The following SAMD12 variants were observed in gnomAD, a reference collection of about 807,000 sequenced individuals.
SAMD12 encodes sterile alpha motif domain-containing protein 12.
SAMD12 carries 9 observed loss-of-function variants against 15.0 expected under a neutral mutation model. That is an observed-to-expected ratio of 0.60 (90% CI 0.36 to 1.05). The LOEUF (loss-of-function observed/expected upper bound fraction) is 1.05, where lower values mean the gene tolerates loss of function less well. Among genes scored for constraint, SAMD12 ranks in the 50% least tolerant of loss-of-function variants. The pLI is 0.01. For synonymous variants in SAMD12, 86 were observed against 90.1 expected (o/e 0.96, Z 0.25); for missense variants, 230 against 234.2 (o/e 0.98, Z 0.12).
chr8:118,353,601 G>A lies in SAMD12; in HGVS notation c.433+25959C>T, dbSNP rs187914018. Among the ~76,000 whole-genome samples, 511 of 152,284 alleles carry A rather than the reference G, an allele frequency of 3.4e-3. 4 individuals carry two copies. The highest frequency in any genetic ancestry group is 0.012 in the African/African-American group (491 of 41,562). ...GAACCATGAGAAATAGATTTCTGTG[G>A]TTTAAGTTACCCAGAAAATGGCAGA... On this transcript the variant is annotated intron_variant, in intron 4 of 4. Coordinates refer to the SAMD12 transcript ENST00000409003.
intron 3 of SAMD12, among the ~76,000 whole-genome samples, chr8:118,430,933 C>T (rs1822383238): frequency 6.6e-6 from 1 of 152,066 alleles, no homozygotes. Flanking sequence ...CATCTTTATA[C>T]TTTTCTATTC....
intron 2 of SAMD12, among the ~76,000 whole-genome samples, chr8:118,507,991 C>CTT (rs11384671): frequency 0.015 from 1,607 of 108,754 alleles, 60 homozygotes; most frequent in East Asian, 0.061. Flanking sequence ...GTATAATCTC[C>CTT]TTTTTTTTTT....
At position 118,586,391 on chromosome 8, in the gene SAMD12, G is replaced by A. The variant is rs142977602; in HGVS notation, c.14-5498C>T. On this transcript the variant is annotated intron_variant, in intron 1 of 3. Coordinates refer to ENST00000314727, the MANE Select transcript of SAMD12 (RefSeq NM_207506.3). ...AGTGTTTTGCTCTGTTGCCCAGGCC[G>A]GAGTGCAGTGGTGTGATCATGGCTC... Among the ~76,000 whole-genome samples, 630 of 147,746 alleles carry A rather than the reference G, an allele frequency of 4.3e-3. 3 individuals are homozygous for A. Among genetic ancestry groups the A allele is most frequent in the Non-Finnish European group, 7.3e-3 (494 of 67,358 alleles).
At chr8:118,615,272 C>A (rs1479491297) in intron 1 of SAMD12, among the ~76,000 whole-genome samples, 1 of 152,190 alleles carries the variant, frequency 6.6e-6, no homozygotes, top group Non-Finnish European at 1.5e-5. Context: ...GCTATCCCCA[C>A]CCAGCTCAGA....
chr8:118,443,780 T>A (rs1822824716), intron 2 of SAMD12, among the ~76,000 whole-genome samples: 1 of 152,126 alleles, frequency 6.6e-6, no homozygotes, highest in African/African-American at 2.4e-5. Flanking sequence ...GCATCCAGGG[T>A]CAATCTCAGT....
chr8:118,490,277 T>G (rs1700374094), intron 2 of SAMD12, among the ~76,000 whole-genome samples: 1 of 152,168 alleles, frequency 6.6e-6, no homozygotes, highest in African/African-American at 2.4e-5. Context: ...CCCATATTGT[T>G]GGCAATTAGT....
At chr8:118,315,953 T>C (rs1033519205) in intron 4 of SAMD12, among the ~76,000 whole-genome samples, 6 of 152,210 alleles carry the variant, frequency 3.9e-5, no homozygotes, top group African/African-American at 1.4e-4. Context: ...GTTACCATCT[T>C]CTTTTTGATG....
chr8:118,532,185 T>C (rs1825708185), intron 2 of SAMD12, among the ~76,000 whole-genome samples: 2 of 152,230 alleles, frequency 1.3e-5, no homozygotes, highest in Admixed American at 6.5e-5. Flanking sequence ...TCTGCATCTA[T>C]TGAAATAATC....
At chr8:118,571,054 C>A (rs1257969318) in intron 2 of SAMD12, among the ~76,000 whole-genome samples, 1 of 152,154 alleles carries the variant, frequency 6.6e-6, no homozygotes, top group Non-Finnish European at 1.5e-5. Context: ...ATTGCACAGT[C>A]TCAGGTATGT....
At chr8:118,176,537 A>G in the SAMD12 span, among the ~76,000 whole-genome samples, 2 of 152,198 alleles carry the variant, frequency 1.3e-5, no homozygotes, top group Non-Finnish European at 2.9e-5. Context: ...GCTGGAGGCC[A>G]TTATCCTAAG....
rs1304691422 is a variant in SAMD12, at chr8:118,257,551, C to CT, written c.434-59820_434-59819insA. On this transcript the variant is annotated intron_variant, in intron 4 of 4. Coordinates refer to the SAMD12 transcript ENST00000409003. ...TCCTCCTCCTTCCGTATGAAATGAC[C>CT]ATACGGAATCTGCAAGTACAAGTTA... is the stretch of plus-strand genomic sequence containing the variant. 3.3e-5 allele frequency among the ~76,000 whole-genome samples: 5 copies of CT among 152,150 alleles called. No homozygotes were observed. The South Asian group carries it at 8.3e-4, about 25-fold the overall frequency.
chr8:118,595,756 C>A (rs1827707016), intron 1 of SAMD12, among the ~76,000 whole-genome samples: 1 of 152,208 alleles, frequency 6.6e-6, no homozygotes, highest in African/African-American at 2.4e-5. Context: ...ATGTAATAAT[C>A]TCTCCATTTG....
intron 4 of SAMD12, among the ~76,000 whole-genome samples, chr8:118,226,939 T>C (rs1812202107): frequency 6.6e-6 from 1 of 152,124 alleles, no homozygotes; most frequent in South Asian, 2.1e-4. Flanking sequence ...TAGCATCAGA[T>C]GGGGTGGACA....
intron 2 of SAMD12, among the ~76,000 whole-genome samples, chr8:118,544,738 A>C (rs1463478016): frequency 1.3e-5 from 2 of 152,192 alleles, no homozygotes; most frequent in African/African-American, 2.4e-5. Context: ...AACTTGGAGA[A>C]AGTTCAGTCA....
rs907521912 is a variant in SAMD12 at position 118,231,528 on chromosome 8, T to C, written c.434-33796A>G. ...AGGAAATTGAGATTTTTACTGCCTG[T>C]CTGACCTTTGGTAGTTTGCAGTTCT... On this transcript the variant is annotated intron_variant, in intron 4 of 4. Coordinates refer to the SAMD12 transcript ENST00000409003. Among the ~76,000 whole-genome samples the C allele has an allele frequency of 1.3e-4, 20 of 152,224 alleles. 1 individual carries two copies. Among genetic ancestry groups the C allele is most frequent in the Non-Finnish European group, 2.9e-5 (2 of 68,030 alleles).
the SAMD12 span, among the ~76,000 whole-genome samples, chr8:118,169,648 T>C: frequency 2.0e-5 from 3 of 152,212 alleles, no homozygotes; most frequent in African/African-American, 7.2e-5. Context: ...GACCCCAATG[T>C]TTCTTTCAGG....
rs891524718 is a variant in SAMD12, at chr8:118,584,904, C to A, written c.14-4011G>T. On this transcript the variant is annotated intron_variant, in intron 1 of 3. Transcript: ENST00000314727. ...AACACAGAATTGTCATTTAATCCAA[C>A]AATTCAACTTGTAGGTATACACACA... 2.0e-5 allele frequency among the ~76,000 whole-genome samples: 3 copies of A among 147,918 alleles called. No homozygotes were observed. The East Asian group carries it at 6.1e-4, about 30-fold the overall frequency.
chr8:118,159,196 T>A, the SAMD12 span, among the ~76,000 whole-genome samples: 6 of 152,102 alleles, frequency 3.9e-5, no homozygotes, highest in African/African-American at 1.4e-4. Context: ...TATGACATCA[T>A]CTTTGGGGCT....
At position 118,522,388 on chromosome 8, in the gene SAMD12, T is replaced by C. The variant is rs140536518; in HGVS notation, c.192+58327A>G. 2.9e-3 allele frequency among the ~76,000 whole-genome samples: 446 copies of C among 152,232 alleles called. 4 individuals carry two copies. Among genetic ancestry groups the C allele is most frequent in the African/African-American group, 9.3e-3 (388 of 41,522 alleles). On this transcript the variant is annotated intron_variant, in intron 2 of 3. Coordinates refer to ENST00000314727, the MANE Select transcript of SAMD12 (RefSeq NM_207506.3). The stretch of plus-strand genomic sequence containing the variant: ...TTGGGAGACCTAAGCATATTGATGC[T>C]AGGTTTACAGCCACAGAAACTCATG...
Sources: allele counts gnomAD v4.1 joint callset (sites outside exome capture counted in the v4.1 genomes callset), GRCh38; gene constraint gnomAD v4.1.1; transcripts MANE v1.5; gene names NCBI Gene and HGNC (gene_info 2026-07-23, HGNC 2026-07-21).